Variants in FAT1 observed in about 807,000 individuals in gnomAD.
FAT1 encodes the protein protocadherin Fat 1.
Under a neutral mutation model 329.8 loss-of-function variants are expected in FAT1, and 171 were observed. The ratio of observed to expected loss-of-function variants is 0.52; its 90% CI spans 0.46 to 0.59. The LOEUF is 0.59. FAT1 is among the 20% of genes least tolerant of loss of function. The probability of loss-of-function intolerance (pLI) is 0.00; values close to 1 mark genes in which losing one functional copy is unlikely to be tolerated. For synonymous variants in FAT1, 2,233 were observed against 2,228.6 expected (o/e 1.00, Z -0.06); for missense variants, 5,672 against 5,774.4 (o/e 0.98, Z 0.57).
Position 186,609,870 on chromosome 4 carries a change from A to G in FAT1, c.9999T>C (p.Pro3333=). The change falls in exon 15 of 27, where the codon CCT becomes CCC. Residue 3333 remains proline, a synonymous_variant. Coordinates refer to ENST00000441802, the MANE Select transcript of FAT1 (RefSeq NM_005245.4). ...VNVTDINDNT[P]VFSQDTYTTV... is the part of the protein sequence containing the mutation. ...TCGTGTAGGTGTCTTGGCTGAACAC[A>G]GGGGTATTATCGTTGATATCTGTTA... 2 of 1,613,530 alleles carry G rather than the reference A, an allele frequency of 1.2e-6. No homozygotes were observed. The highest frequency in any genetic ancestry group is 1.3e-5 in the African/African-American group (1 of 74,936).
chr4:186,673,250 T>C (rs568240455), intron 2 of FAT1, among the ~76,000 whole-genome samples: 1 of 152,312 alleles, frequency 6.6e-6, no homozygotes, highest in African/African-American at 2.4e-5. Context: ...TAACCATGGA[T>C]TTAAAAATCT....
At chr4:186,627,836 GAAGA>G (rs1740388445) in intron 9 of FAT1, among the ~76,000 whole-genome samples, 1 of 152,184 alleles carries the variant, frequency 6.6e-6, no homozygotes, top group South Asian at 2.1e-4. Context: ...CAATGTTACA[GAAGA>G]AACTGTGGTT....
upstream of FAT1, among the ~76,000 whole-genome samples, chr4:186,724,227 C>T (rs1017456989): frequency 1.0e-3 from 146 of 145,968 alleles, no homozygotes; most frequent in African/African-American, 3.8e-3. This position sits in a 1 kb window ranked among gnomAD's most constrained non-coding sequence, Gnocchi z 5.3. Flanking sequence ...AATGAGAAAG[C>T]TTCCCAGAGG....
chr4:186,619,013 C>G lies in FAT1; in HGVS notation c.7573G>C (p.Gly2525Arg), dbSNP rs2126501283. The G allele has an allele frequency of 6.2e-7, 1 of 1,613,924 alleles. No individual in the cohort carries two copies. Among genetic ancestry groups the G allele is most frequent in the Non-Finnish European group, 8.5e-7 (1 of 1,179,880 alleles). Residue 2525 changes from glycine (G) to arginine (R), a missense_variant, in exon 10 of 27, where the codon GGT becomes CGT. Gly to Arg is a moderately radical substitution (Grantham distance 125). Around this residue, in one of 2 missense-constraint regions of FAT1, gnomAD observed 3,966 missense variants for 3,915.2 expected, o/e 1.01. Transcript: ENST00000441802. ...TTTACAATATGGTAAGTAACGTGAC[C>G]ATAAATACCAGAATCCCCATCCGTA... ...KTTDGDSGIYGHVTYHIVNDF... is the reference protein window; with the variant it reads ...KTTDGDSGIYRHVTYHIVNDF...
intron 1 of FAT1, among the ~76,000 whole-genome samples, chr4:186,710,850 T>C (rs1402446778): frequency 2.0e-5 from 3 of 152,194 alleles, no homozygotes; most frequent in African/African-American, 7.2e-5. Context: ...CCTGGGTGAC[T>C]GGCGGAGAAA....
chr4:186,601,540 C>T (rs1211197632), intron 20 of FAT1, 114 bp from the exon 21 acceptor site: 5 of 755,278 alleles, frequency 6.6e-6, no homozygotes, highest in African/African-American at 3.4e-5. Context: ...AAGATGATAA[C>T]ATTTTACTAT....
intron 3 of FAT1, among the ~76,000 whole-genome samples, chr4:186,657,423 C>T (rs1178230635): frequency 6.6e-6 from 1 of 151,978 alleles, no homozygotes; most frequent in African/African-American, 2.4e-5. Context: ...GATAAAATTC[C>T]AGGAAATGCA....
chr4:186,654,801 T>C (rs1425357808), intron 3 of FAT1, among the ~76,000 whole-genome samples: 4 of 151,876 alleles, frequency 2.6e-5, no homozygotes, highest in Non-Finnish European at 5.9e-5. Context: ...ATCCCAGCTA[T>C]TCAGGAGACC....
intron 7 of FAT1, among the ~76,000 whole-genome samples, chr4:186,631,400 G>A (rs941190481): frequency 2.9e-5 from 2 of 69,922 alleles, no homozygotes; most frequent in Admixed American, 1.4e-4. Flanking sequence ...CCAGCTGACT[G>A]CTCTGCTCTT....
intron 1 of FAT1, among the ~76,000 whole-genome samples, chr4:186,714,204 C>G (rs1013979833): frequency 1.3e-5 from 2 of 151,822 alleles, no homozygotes; most frequent in East Asian, 3.9e-4. Context: ...ACAGGTGGAG[C>G]GCGTGTGGGC....
At chr4:186,616,296 T>C (rs961289354) in intron 11 of FAT1, among the ~76,000 whole-genome samples, 1 of 152,158 alleles carries the variant, frequency 6.6e-6, no homozygotes, top group Non-Finnish European at 1.5e-5. Context: ...CTGCCCACTG[T>C]AATCCAGTTC....
rs2126528152 is a variant in FAT1 at position 186,621,737 on chromosome 4, C to T, written c.4849G>A (p.Gly1617Ser). The change falls in exon 10 of 27, where the codon GGC (glycine) becomes AGC (serine). Residue 1617 changes from glycine (G) to serine (S), a missense_variant. Physicochemically the swap from Gly to Ser is moderately conservative, Grantham distance 56 (BLOSUM62 0). Coordinates refer to ENST00000441802, the MANE Select transcript of FAT1 (RefSeq NM_005245.4). ...GNSFMIDPVL[G>S]SIKTAKELDR... Reference sequence around the variant, plus strand: ...AATTCTTTGGCAGTTTTAATAGAGCCCAAGACAGGATCAATCATAAAAGAA... The same window carrying T: ...AATTCTTTGGCAGTTTTAATAGAGCTCAAGACAGGATCAATCATAAAAGAA... The T allele has an allele frequency of 6.2e-7, 1 of 1,600,840 alleles. No homozygotes were observed. Among genetic ancestry groups the T allele is most frequent in the Non-Finnish European group, 8.5e-7 (1 of 1,175,234 alleles).
intron 11 of FAT1, among the ~76,000 whole-genome samples, chr4:186,615,448 CCT>C (rs1353891825): frequency 2.0e-5 from 3 of 152,148 alleles, no homozygotes; most frequent in Admixed American, 6.5e-5. Flanking sequence ...CAATCACATT[CCT>C]CTCTACCCAG....
intron 9 of FAT1, among the ~76,000 whole-genome samples, chr4:186,623,331 G>A (rs1032533676): frequency 6.6e-6 from 1 of 152,078 alleles, no homozygotes; most frequent in Admixed American, 6.6e-5. Flanking sequence ...TTTGGCCGTC[G>A]TCAGAACGCC....
chr4:186,589,277 G>C (rs988978905), intron 26 of FAT1, 57 bp from the exon 27 acceptor site: 1 of 1,520,540 alleles, frequency 6.6e-7, no homozygotes, highest in Non-Finnish European at 8.8e-7. Context: ...TTGTGCCATG[G>C]AAAGAGAGCT....
intron 1 of FAT1, among the ~76,000 whole-genome samples, chr4:186,716,929 A>T (rs1745232491): frequency 6.6e-6 from 1 of 152,104 alleles, no homozygotes. Context: ...GAATACAGGC[A>T]TGCACCACCA....
intron 3 of FAT1, among the ~76,000 whole-genome samples, chr4:186,645,759 A>G (rs1741342969): frequency 6.6e-6 from 1 of 151,800 alleles, no homozygotes; most frequent in African/African-American, 2.4e-5. Context: ...CAGCTTGGTC[A>G]ACATGGAGAA....
intron 2 of FAT1, among the ~76,000 whole-genome samples, chr4:186,666,599 C>T (rs1742449234): frequency 6.6e-6 from 1 of 152,198 alleles, no homozygotes; most frequent in Admixed American, 6.5e-5. Flanking sequence ...TTATCTACCT[C>T]TTTTGAGTTC....
chr4:186,667,437 G>C (rs1022800459), intron 2 of FAT1, among the ~76,000 whole-genome samples: 2 of 152,220 alleles, frequency 1.3e-5, no homozygotes, highest in African/African-American at 4.8e-5. Flanking sequence ...GTATGAATGA[G>C]TGAGATGCTG....
Sources: gnomAD v4.1 joint callset for allele counts (sites outside exome capture counted in the v4.1 genomes callset) on GRCh38, gnomAD v4.1.1 for gene constraint, gnomAD v4.1.1 regional missense constraint, Gnocchi (gnomAD v3.1) non-coding constraint, MANE v1.5 for transcripts, NCBI Gene and HGNC (gene_info 2026-07-23, HGNC 2026-07-21) for gene names.